The following SMARCA2 variants were observed in gnomAD, a reference collection of about 807,000 sequenced individuals.
The protein encoded by SMARCA2 is SWI/SNF related BAF chromatin remodeling complex subunit ATPase 2.
In SMARCA2, 61 loss-of-function variants were observed where a neutral mutation model predicts 199.8. The observed-to-expected ratio is 0.31, with a 90% CI of 0.25 to 0.38. SMARCA2 has a LOEUF of 0.38. Among genes scored for constraint, SMARCA2 ranks in the 10% least tolerant of loss-of-function variants. The probability of loss-of-function intolerance (pLI) is 1.00; values close to 1 mark genes in which losing one functional copy is unlikely to be tolerated. For missense variants in SMARCA2, 1,344 were observed against 2,012.2 expected, an observed-to-expected ratio of 0.67 and a Z score of 6.35; for synonymous variants, 935 against 732.0, an observed-to-expected ratio of 1.28 and a Z score of -4.48.
intron 27 of SMARCA2, among the ~76,000 whole-genome samples, chr9:2,140,158 G>C (rs1217083309): frequency 6.6e-6 from 1 of 152,206 alleles, no homozygotes; most frequent in Non-Finnish European, 1.5e-5. Context: ...TCATCAAGAA[G>C]TCACCTACTC....
At chr9:2,125,402 C>G (rs950009321) in intron 27 of SMARCA2, among the ~76,000 whole-genome samples, 3 of 151,378 alleles carry the variant, frequency 2.0e-5, no homozygotes, top group African/African-American at 7.3e-5. Context: ...ATATATATTT[C>G]TGAGCTTGGG....
intron 27 of SMARCA2, among the ~76,000 whole-genome samples, chr9:2,156,414 C>CTTTTTTTTTTT (rs57161267): frequency 3.5e-4 from 24 of 69,164 alleles, no homozygotes; most frequent in South Asian, 5.7e-4. Context: ...CCATTTTAGA[C>CTTTTTTTTTTT]TTTTTTTTTT....
chr9:2,065,747 A>T (rs374594998), intron 9 of SMARCA2, among the ~76,000 whole-genome samples: 53 of 152,270 alleles, frequency 3.5e-4, no homozygotes, highest in African/African-American at 1.2e-3. Context: ...ATACTTTATT[A>T]CAGCTTTCCT....
At chr9:2,191,928 A>C (rs1827914701) in intron 33 of SMARCA2, 1 of 153,452 alleles carries the variant, frequency 6.5e-6, no homozygotes, top group Admixed American at 6.5e-5. Context: ...AGGCCTTGTA[A>C]TAGGTACCTC....
chr9:2,024,459 G>A (rs1270482146), intron 1 of SMARCA2, among the ~76,000 whole-genome samples: 2 of 152,108 alleles, frequency 1.3e-5, no homozygotes, highest in Non-Finnish European at 2.9e-5. Flanking sequence ...TGTACCGCCT[G>A]CATGCCTTGT....
intron 28 of SMARCA2, chr9:2,162,779 C>T (rs145262431): frequency 3.3e-5 from 5 of 152,126 alleles, no homozygotes; most frequent in African/African-American, 9.7e-5. Flanking sequence ...TGCATCATTC[C>T]TGGAGGTACT....
rs372329238 is a variant in SMARCA2, at chr9:2,060,118, C to CAAAAAAAAA, written c.1522-674_1522-666dup. Among the ~76,000 whole-genome samples the CAAAAAAAAA allele has an allele frequency of 1.2e-3, 72 of 62,414 alleles. 4 individuals are homozygous for CAAAAAAAAA. Among genetic ancestry groups the CAAAAAAAAA allele is most frequent in the African/African-American group, 3.1e-3 (70 of 22,548 alleles). The allele number at this position is 62,414 out of a possible 152,430, so 40.9% of individuals were successfully genotyped here. A position where few individuals can be genotyped will look rare whatever the true frequency, so the allele number is the denominator to read the frequency against. On this transcript the variant is annotated intron_variant, in intron 8 of 33. Transcript: ENST00000349721. ...CCATTACTCAGTGCAGATCTGTGGC[C>CAAAAAAAAA]AAAAAAAAAAAAAAAAAAAAAAAAA...
chr9:2,151,421 G>A (rs1399426033), intron 27 of SMARCA2, among the ~76,000 whole-genome samples: 2 of 151,506 alleles, frequency 1.3e-5, no homozygotes, highest in African/African-American at 4.8e-5. Flanking sequence ...ACCCAGGCCA[G>A]CATGAAGCTA....
intron 22 of SMARCA2, among the ~76,000 whole-genome samples, chr9:2,103,462 T>G (rs1319455000): frequency 6.6e-6 from 1 of 152,226 alleles, no homozygotes; most frequent in East Asian, 1.9e-4. Context: ...TAATTATCCA[T>G]TTAGTAAAAT....
intron 2 of SMARCA2, among the ~76,000 whole-genome samples, chr9:2,030,869 C>A (rs941402840): frequency 6.6e-6 from 1 of 152,050 alleles, no homozygotes; most frequent in Non-Finnish European, 1.5e-5. Flanking sequence ...GGCATCAGAG[C>A]CCAAAAGGGA....
At chr9:2,045,299 T>G (rs1819790003) in intron 4 of SMARCA2, 2 of 152,246 alleles carry the variant, frequency 1.3e-5, no homozygotes, top group South Asian at 4.1e-4. Context: ...ATATGTTTAA[T>G]TCTACCAGCT....
At chr9:2,157,921 G>C in intron 27 of SMARCA2, 1 of 398,450 alleles carries the variant, frequency 2.5e-6, no homozygotes, top group Non-Finnish European at 4.4e-6. Context: ...GCCACGACTG[G>C]ACCCACGTGT....
intron 9 of SMARCA2, among the ~76,000 whole-genome samples, chr9:2,065,870 A>G (rs1047286448): frequency 7.9e-5 from 12 of 152,220 alleles, no homozygotes; most frequent in Non-Finnish European, 1.0e-4. Flanking sequence ...GATTTATTTG[A>G]TTAGTTGAGT....
At chr9:2,180,136 C>G (rs938789672) in intron 29 of SMARCA2, among the ~76,000 whole-genome samples, 2 of 152,138 alleles carry the variant, frequency 1.3e-5, no homozygotes, top group African/African-American at 4.8e-5. Flanking sequence ...TTGGTTCTTG[C>G]TGCAGTGATC....
chr9:2,125,745 C>T (rs1823659839), intron 27 of SMARCA2, among the ~76,000 whole-genome samples: 1 of 152,204 alleles, frequency 6.6e-6, no homozygotes. Flanking sequence ...CTGCCTTGGC[C>T]TCCCAAAGTG....
At chr9:2,171,461 T>C (rs950577239) in intron 29 of SMARCA2, among the ~76,000 whole-genome samples, 1 of 151,834 alleles carries the variant, frequency 6.6e-6, no homozygotes, top group African/African-American at 2.4e-5. Context: ...TGGTGATTTA[T>C]ACTTATACTT....
At chr9:2,191,196 G>A (rs906159526) in intron 32 of SMARCA2, 70 bp from the exon 33 acceptor site, 6 of 1,450,944 alleles carry the variant, frequency 4.1e-6, no homozygotes, top group Non-Finnish European at 5.8e-6. Context: ...GTTGGTGATA[G>A]TCTTACCACC....
chr9:2,113,561 G>A (rs2130591413), intron 24 of SMARCA2, among the ~76,000 whole-genome samples: 1 of 152,262 alleles, frequency 6.6e-6, no homozygotes, highest in East Asian at 1.9e-4. Context: ...TTTTGGCTTA[G>A]GGACTCAAGC....
At chr9:2,144,729 C>T (rs1181820678) in intron 27 of SMARCA2, among the ~76,000 whole-genome samples, 1 of 152,158 alleles carries the variant, frequency 6.6e-6, no homozygotes, top group Admixed American at 6.5e-5. Context: ...CTTATGTCCC[C>T]TCCAGGGGGG....
Sources: allele counts gnomAD v4.1 joint callset (sites outside exome capture counted in the v4.1 genomes callset), GRCh38; gene constraint gnomAD v4.1.1; transcripts MANE v1.5; gene names NCBI Gene and HGNC (gene_info 2026-07-23, HGNC 2026-07-21).